The following SF1 variants were observed in gnomAD, a reference collection of about 807,000 sequenced individuals.
The protein encoded by SF1 is branch point-binding protein.
Under a neutral mutation model 62.5 loss-of-function variants are expected in SF1, and 7 were observed. That is an observed-to-expected ratio of 0.11 (90% confidence interval 0.06 to 0.21). The LOEUF is 0.21. SF1 is among the 10% of genes least tolerant of loss of function. The pLI, the probability that SF1 is intolerant of heterozygous loss-of-function variation, is 1.00. For synonymous variants in SF1, 394 were observed against 323.6 expected (o/e 1.22, Z -2.33); for missense variants, 578 against 884.0 (o/e 0.65, Z 4.39).
chr11:64,777,936 C>A (rs2135998153), intron 1 of SF1: 3 of 979,824 alleles, frequency 3.1e-6, no homozygotes, highest in South Asian at 4.6e-5. Flanking sequence ...GCCCCTCAGG[C>A]GGCCGGGCCC....
In SF1 at chr11:64,768,097, C is replaced by G. The variant is rs1330297281; in HGVS notation, c.1068+9G>C. ...AAGCCAGACCAAGAGAGCCAGCCCCCAGGCTCACCGGTGGAGGTGGGTTGT... is the reference window on the plus strand; with the variant it reads ...AAGCCAGACCAAGAGAGCCAGCCCCGAGGCTCACCGGTGGAGGTGGGTTGT... On this transcript the variant is annotated intron_variant, in intron 9 of 12. Transcript: ENST00000377390. 1 of 1,604,544 alleles carries G rather than the reference C, an allele frequency of 6.2e-7. No individual in the cohort carries two copies. The highest frequency in any genetic ancestry group is 8.5e-7 in the Non-Finnish European group (1 of 1,175,452).
chr11:64,776,715 C>G, intron 1 of SF1, 89 bp from the exon 2 acceptor site: 1 of 1,271,076 alleles, frequency 7.9e-7, no homozygotes, highest in Non-Finnish European at 1.1e-6. Flanking sequence ...CACAGAAACT[C>G]AGCAGACTGT....
rs2058637962 is a variant in SF1, at chr11:64,766,035, G to A, written c.1703C>T (p.Pro568Leu). Reference protein sequence around the residue: ...PQMQGNPTMVPLPPGVQPPLP... With the variant: ...PQMQGNPTMVLLPPGVQPPLP... The stretch of plus-strand genomic sequence containing the variant: ...AGGCGGCTGGACCCCGGGGGGCAGG[G>A]GCACCATAGTGGGGTTGCCTTGCAT... The change falls in exon 13 of 13, where the codon CCC becomes CTC. Residue 568 changes from proline to leucine, a missense_variant. Coordinates refer to ENST00000377390, the MANE Select transcript of SF1 (RefSeq NM_004630.4). The A allele has an allele frequency of 6.2e-7, 1 of 1,610,544 alleles. No homozygotes were observed. The highest frequency in any genetic ancestry group is 8.5e-7 in the Non-Finnish European group (1 of 1,178,986).
rs1938102288 is a variant in SF1 at position 64,770,245 on chromosome 11, C to T, written c.389+11G>A. Reference sequence around the variant, plus strand: ...TGTCTTCATCCCAGATGACCGAGCCCCTCCGCTTACTTGTAATCTGCAGGT... The same window carrying T: ...TGTCTTCATCCCAGATGACCGAGCCTCTCCGCTTACTTGTAATCTGCAGGT... On this transcript the variant is annotated intron_variant, in intron 4 of 12. Transcript: ENST00000377390. 1 of 1,609,636 alleles carries T rather than the reference C, an allele frequency of 6.2e-7. No individual in the cohort carries two copies. Among genetic ancestry groups the T allele is most frequent in the East Asian group, 2.2e-5 (1 of 44,744 alleles).
intron 3 of SF1, chr11:64,772,446 G>T: frequency 2.0e-6 from 2 of 985,270 alleles, no homozygotes; most frequent in Non-Finnish European, 2.4e-6. Context: ...GGAGAAACAA[G>T]GAAGTTAATG....
At position 64,764,691 on chromosome 11, in the gene SF1, A is replaced by G. The variant is rs945480912; in HGVS notation, c.*1127T>C. 6.6e-6 allele frequency: 1 copy of G among 152,644 alleles called. No homozygotes were observed. Among genetic ancestry groups the G allele is most frequent in the African/African-American group, 2.4e-5 (1 of 41,452 alleles). 9.5% of individuals were successfully genotyped at this position (152,644 alleles called of 1,614,324 possible). The stretch of plus-strand genomic sequence containing the variant: ...ATCTAACACCGAAAAAAGCCCAGAG[A>G]AATTTCTGCAGATAAACCAGTGAAG... On this transcript the variant is annotated 3_prime_UTR_variant, in exon 13 of 13. Coordinates refer to ENST00000377390, the MANE Select transcript of SF1 (RefSeq NM_004630.4).
chr11:64,774,834 G>A (rs12273948), intron 2 of SF1, among the ~76,000 whole-genome samples: 6,776 of 151,814 alleles, frequency 0.045, 503 homozygotes, highest in African/African-American at 0.15. Context: ...GGTGGCGTGC[G>A]CCTGTAGTCC....
chr11:64,766,641 T>C, intron 12 of SF1: 3 of 439,236 alleles, frequency 6.8e-6, no homozygotes, highest in Non-Finnish European at 1.2e-5. Context: ...GGGTCTGGAC[T>C]TCTGGCCCCC....
At chr11:64,778,287 G>A in intron 1 of SF1, 75 bp downstream of exon 1, 1 of 1,218,254 alleles carries the variant, frequency 8.2e-7, no homozygotes, top group Non-Finnish European at 1.0e-6. Context: ...CCAGGCCCGG[G>A]TGCAGGCGGA....
At chr11:64,776,307 C>T (rs921351404) in intron 2 of SF1, 191 bp downstream of exon 2, 4 of 591,454 alleles carry the variant, frequency 6.8e-6, no homozygotes, top group South Asian at 3.6e-5. Flanking sequence ...ACTGCAGTTA[C>T]GAACAGACCA....
chr11:64,773,071 A>G (rs934679017), intron 3 of SF1: 7 of 1,124,862 alleles, frequency 6.2e-6, no homozygotes, highest in Non-Finnish European at 7.6e-6. Context: ...TACCTGTGAG[A>G]AAAACTCTAT....
chr11:64,766,144 T>C lies in SF1; in HGVS notation c.1594A>G (p.Thr532Ala), dbSNP rs1251906079. 3 of 1,605,448 alleles carry C rather than the reference T, an allele frequency of 1.9e-6. No homozygotes were observed. The highest frequency in any genetic ancestry group is 2.2e-5 in the East Asian group (1 of 44,842). ...PLPWQQNTTT[T>A]TTSAGTGSIP... ...GACCCTGTGCCAGCGCTCGTGGTGG[T>C]AGTCGTCGTATCTGGGGTGGTAAAG... is the stretch of plus-strand genomic sequence containing the variant. Residue 532 changes from threonine to alanine, a missense_variant, in exon 13 of 13, where the codon ACC becomes GCC. By Grantham distance (58) the Thr-to-Ala change is moderately conservative. Coordinates refer to ENST00000377390, the MANE Select transcript of SF1 (RefSeq NM_004630.4).
intron 2 of SF1, 22 bp downstream of exon 2, chr11:64,776,476 T>C: frequency 6.4e-7 from 1 of 1,569,372 alleles, no homozygotes; most frequent in Non-Finnish European, 8.6e-7. Context: ...AAAGTGCATT[T>C]GGATGCAGAA....
At chr11:64,766,333 G>A (rs2135880195) in intron 12 of SF1, 178 bp from the exon 13 acceptor site, 2 of 590,278 alleles carry the variant, frequency 3.4e-6, no homozygotes, top group South Asian at 4.0e-5. Context: ...GGACTACCCT[G>A]GGGTCAGCCT....
chr11:64,774,371 C>A (rs968924406), intron 2 of SF1, among the ~76,000 whole-genome samples: 1 of 152,160 alleles, frequency 6.6e-6, no homozygotes, highest in Non-Finnish European at 1.5e-5. Flanking sequence ...TTGCCAGTGA[C>A]GCCAGGGAAA....
intron 1 of SF1, 159 bp downstream of exon 1, chr11:64,778,203 G>A (rs980582552): frequency 9.9e-5 from 109 of 1,106,352 alleles, no homozygotes; most frequent in Non-Finnish European, 1.1e-4. Flanking sequence ...GCCGCGAAGG[G>A]GAAGGCCGCG....
chr11:64,772,297 G>A, intron 3 of SF1: 3 of 984,138 alleles, frequency 3.0e-6, no homozygotes, highest in Non-Finnish European at 3.6e-6. Context: ...CTAAACAGTT[G>A]TGGTCTATGA....
At chr11:64,774,915 C>T (rs1395787323) in intron 2 of SF1, among the ~76,000 whole-genome samples, 4 of 150,376 alleles carry the variant, frequency 2.7e-5, no homozygotes, top group African/African-American at 4.9e-5. Context: ...GAGCCGAGAT[C>T]GCACCACTAC....
intron 1 of SF1, chr11:64,777,450 A>G (rs1939485763): frequency 4.1e-6 from 4 of 972,810 alleles, no homozygotes; most frequent in Non-Finnish European, 4.9e-6. Context: ...TCTCTCCCCA[A>G]AAGAGACCAA....
Sources: allele counts gnomAD v4.1 joint callset (sites outside exome capture counted in the v4.1 genomes callset), GRCh38; gene constraint gnomAD v4.1.1; transcripts MANE v1.5; gene names NCBI Gene and HGNC (gene_info 2026-07-23, HGNC 2026-07-21).